GIPC2: variants seen among roughly 807,000 people sequenced by gnomAD.
GIPC2 encodes PDZ domain-containing protein GIPC2.
A neutral mutation model predicts 30.6 loss-of-function variants in GIPC2; 30 were observed. The observed-to-expected ratio is 0.98, with a 90% CI of 0.73 to 1.33. The LOEUF (loss-of-function observed/expected upper bound fraction) is 1.33. Ranked by LOEUF, GIPC2 falls within the 40% of genes most tolerant of loss-of-function variation. The probability of loss-of-function intolerance (pLI) is 0.00; values close to 1 mark genes in which losing one functional copy is unlikely to be tolerated. For missense variants in GIPC2, 414 were observed against 390.3 expected, an observed-to-expected ratio of 1.06 and a Z score of -0.51; for synonymous variants, 167 against 150.0, an observed-to-expected ratio of 1.11 and a Z score of -0.83.
chr1:78,066,524 C>G (rs768112280), intron 1 of GIPC2, among the ~76,000 whole-genome samples: 1 of 152,122 alleles, frequency 6.6e-6, no homozygotes, highest in Non-Finnish European at 1.5e-5. Flanking sequence ...CCCAGCAATC[C>G]CATTACTGGA....
At chr1:78,129,865 G>A (rs917454415) in intron 5 of GIPC2, among the ~76,000 whole-genome samples, 1 of 152,118 alleles carries the variant, frequency 6.6e-6, no homozygotes, top group African/African-American at 2.4e-5. Context: ...GATCATCCAA[G>A]CAACTTCAGA....
chr1:78,045,483 C>G, upstream of GIPC2: 1 of 823,910 alleles, frequency 1.2e-6, no homozygotes, highest in Non-Finnish European at 1.5e-6. Context: ...GAGGAAGCAG[C>G]CCAGGAAATA....
At chr1:78,061,540 G>A (rs1253084765) in intron 1 of GIPC2, among the ~76,000 whole-genome samples, 5 of 151,084 alleles carry the variant, frequency 3.3e-5, no homozygotes, top group South Asian at 4.2e-4. Context: ...TCCTTCTGTC[G>A]CCCAGGCTGG....
chr1:78,094,245 C>T (rs1046595691), intron 2 of GIPC2, among the ~76,000 whole-genome samples: 1 of 152,168 alleles, frequency 6.6e-6, no homozygotes, highest in Non-Finnish European at 1.5e-5. Context: ...ATGTGATGGG[C>T]CTCAATTGAA....
chr1:78,107,824 C>CAAA lies in GIPC2; in HGVS notation c.608-11538_608-11536dup, dbSNP rs35134592. Among the ~76,000 whole-genome samples the CAAA allele has an allele frequency of 9.7e-3, 279 of 28,810 alleles. 14 individuals carry two copies. Among genetic ancestry groups the CAAA allele is most frequent in the East Asian group, 0.018 (10 of 564 alleles). The allele number at this position is 28,810 out of a possible 152,430, so 18.9% of individuals were successfully genotyped here. A position where few individuals can be genotyped will look rare whatever the true frequency, so the allele number is the denominator to read the frequency against. On this transcript the variant is annotated intron_variant, in intron 3 of 5. Transcript: ENST00000370759. ...TGGGCAACAGAGTGAAACTCTGTCT[C>CAAA]AAAAAAAAAAAAAAAAAAAAAAAAA... is the stretch of plus-strand genomic sequence containing the variant.
chr1:78,068,666 GAGAA>G (rs1299843770), intron 1 of GIPC2, among the ~76,000 whole-genome samples: 1 of 152,286 alleles, frequency 6.6e-6, no homozygotes, highest in East Asian at 1.9e-4. Flanking sequence ...GCTAGAAAAG[GAGAA>G]AGAAGAAAAA....
intron 1 of GIPC2, 34 bp downstream of exon 1, chr1:78,046,368 T>G: frequency 6.4e-7 from 1 of 1,557,742 alleles, no homozygotes; most frequent in South Asian, 1.1e-5. Context: ...CTCCCGCCTC[T>G]CCGCCGCGCC....
intron 5 of GIPC2, among the ~76,000 whole-genome samples, chr1:78,127,030 G>A (rs1378875118): frequency 6.6e-6 from 1 of 152,166 alleles, no homozygotes; most frequent in Non-Finnish European, 1.5e-5. Context: ...TGCATGCTGG[G>A]TAGAGAAAAG....
chr1:78,100,940 ATACACACACAC>A lies in GIPC2; in HGVS notation c.607+5809_607+5819del, dbSNP rs879022341. Among the ~76,000 whole-genome samples, 788 of 113,480 alleles carry A rather than the reference ATACACACACAC, an allele frequency of 6.9e-3. 7 individuals are homozygous for A. The highest frequency in any genetic ancestry group is 0.01 in the Non-Finnish European group (565 of 55,268). 74.4% of individuals were successfully genotyped at this position (113,480 alleles called of 152,430 possible). On this transcript the variant is annotated intron_variant, in intron 3 of 5. Transcript: ENST00000370759. ...GTGAGACCCTGTCAAAAAAAAAAAAATACACACACACACACACACACACACACACACACACA... is the reference window on the plus strand; with the variant it reads ...GTGAGACCCTGTCAAAAAAAAAAAAAACACACACACACACACACACACACA...
intron 2 of GIPC2, chr1:78,091,538 G>A: frequency 1.3e-6 from 1 of 752,104 alleles, no homozygotes; most frequent in Non-Finnish European, 2.5e-6. Flanking sequence ...GTCCGAGGAG[G>A]ACCTGCTCCT....
chr1:78,133,432 T>A (rs1260203588), intron 5 of GIPC2, among the ~76,000 whole-genome samples: 2 of 152,202 alleles, frequency 1.3e-5, no homozygotes, highest in African/African-American at 4.8e-5. Context: ...CCTAGGTGAT[T>A]TGTTTGTGCA....
In GIPC2 at chr1:78,135,880, T is replaced by C. The variant is rs1348090767; in HGVS notation, c.*137T>C. ...TGTGTATGGAATATATTCTTTGAAA[T>C]ATAATTTTGGTAATTTTGATTTCTG... On this transcript the variant is annotated 3_prime_UTR_variant, in exon 6 of 6. Coordinates refer to ENST00000370759, the MANE Select transcript of GIPC2 (RefSeq NM_017655.6). The C allele has an allele frequency of 7.6e-6, 5 of 658,098 alleles. No homozygotes were observed. Among genetic ancestry groups the C allele is most frequent in the Non-Finnish European group, 9.6e-6 (4 of 415,254 alleles). The allele number at this position is 658,098 out of a possible 1,614,324, so 40.8% of individuals were successfully genotyped here. A position where few individuals can be genotyped will look rare whatever the true frequency, so the allele number is the denominator to read the frequency against.
intron 1 of GIPC2, among the ~76,000 whole-genome samples, chr1:78,059,306 G>T (rs1020788713): frequency 6.6e-6 from 1 of 152,346 alleles, no homozygotes; most frequent in Non-Finnish European, 1.5e-5. Context: ...TTCCTCCAGA[G>T]CTTGTGCATT....
chr1:78,117,999 T>C (rs1278922468), intron 3 of GIPC2, among the ~76,000 whole-genome samples: 2 of 151,864 alleles, frequency 1.3e-5, no homozygotes, highest in Admixed American at 6.6e-5. Flanking sequence ...CATGGCTCAC[T>C]GCAGCCTTGA....
chr1:78,070,044 A>G (rs1200216772), intron 1 of GIPC2, among the ~76,000 whole-genome samples: 1 of 152,138 alleles, frequency 6.6e-6, no homozygotes, highest in African/African-American at 2.4e-5. Context: ...CTCTTCAGAC[A>G]TTTCATTGTA....
At chr1:78,115,647 A>G (rs1018691945) in intron 3 of GIPC2, among the ~76,000 whole-genome samples, 2 of 152,200 alleles carry the variant, frequency 1.3e-5, no homozygotes, top group African/African-American at 4.8e-5. Context: ...AGGACATACT[A>G]TAACTGGCAA....
chr1:78,071,545 CT>C (rs1276776481), intron 1 of GIPC2, among the ~76,000 whole-genome samples: 1 of 150,214 alleles, frequency 6.7e-6, no homozygotes, highest in Admixed American at 6.6e-5. Flanking sequence ...CTTCCTTCTC[CT>C]TCTTCTTCTT....
chr1:78,066,811 T>G (rs1661521105), intron 1 of GIPC2, among the ~76,000 whole-genome samples: 1 of 152,162 alleles, frequency 6.6e-6, no homozygotes. Flanking sequence ...GTATTAGCAC[T>G]TATAAGTGGA....
At chr1:78,104,182 A>AGGGGGGGG (rs150902349) in intron 3 of GIPC2, among the ~76,000 whole-genome samples, 16 of 143,576 alleles carry the variant, frequency 1.1e-4, no homozygotes, top group African/African-American at 4.3e-4. Flanking sequence ...TAGAGGGGGG[A>AGGGGGGGG]GAGGGGGCCG....
Sources: allele counts gnomAD v4.1 joint callset (sites outside exome capture counted in the v4.1 genomes callset), GRCh38; gene constraint gnomAD v4.1.1; transcripts MANE v1.5; gene names NCBI Gene and HGNC (gene_info 2026-07-23, HGNC 2026-07-21).